TSGA10: variants seen among roughly 807,000 people sequenced by gnomAD.
TSGA10 encodes testis specific 10.
TSGA10 carries 43 observed loss-of-function variants against 96.6 expected under a neutral mutation model. That is an observed-to-expected ratio of 0.44 (90% CI 0.35 to 0.57). The LOEUF (loss-of-function observed/expected upper bound fraction) is 0.57. Ranked by LOEUF, TSGA10 falls within the 20% of genes least tolerant of loss-of-function variation. TSGA10 has a pLI of 0.01. For missense variants in TSGA10, 703 were observed against 834.4 expected (o/e 0.84, Z 1.94); for synonymous variants, 229 against 269.9 (o/e 0.85, Z 1.48).
intron 11 of TSGA10, among the ~76,000 whole-genome samples, chr2:99,080,912 TAACTA>T (rs1238124925): frequency 4.6e-5 from 7 of 152,268 alleles, no homozygotes; most frequent in Admixed American, 4.6e-4. Flanking sequence ...TCGCTAGACA[TAACTA>T]AACATATGTA....
chr2:99,112,611 C>CA (rs1284326705), intron 4 of TSGA10, among the ~76,000 whole-genome samples: 3 of 151,658 alleles, frequency 2.0e-5, no homozygotes, highest in East Asian at 3.9e-4. Flanking sequence ...AAAATCTGGG[C>CA]AAAAAACATT....
chr2:99,017,689 C>T (rs376299614), intron 20 of TSGA10, among the ~76,000 whole-genome samples: 4 of 149,726 alleles, frequency 2.7e-5, no homozygotes, highest in African/African-American at 4.9e-5. Flanking sequence ...GGCGTGAACC[C>T]GGGAGGCGGA....
chr2:99,005,361 T>G (rs908274932), intron 20 of TSGA10, among the ~76,000 whole-genome samples: 1 of 152,216 alleles, frequency 6.6e-6, no homozygotes, highest in African/African-American at 2.4e-5. Context: ...TGGCCCTGTT[T>G]GCAGAAGACA....
At chr2:99,074,332 T>C (rs1427061379) in intron 12 of TSGA10, among the ~76,000 whole-genome samples, 1 of 138,818 alleles carries the variant, frequency 7.2e-6, no homozygotes, top group Non-Finnish European at 1.6e-5. Context: ...TTCTTTAGCG[T>C]TAGTTTTACA....
intron 15 of TSGA10, among the ~76,000 whole-genome samples, chr2:99,067,590 T>TG (rs2085407026): frequency 6.6e-6 from 1 of 152,140 alleles, no homozygotes; most frequent in African/African-American, 2.4e-5. Flanking sequence ...CAGTGGCTCA[T>TG]GCCTGTAATC....
At chr2:99,009,082 T>C (rs1368835065) in intron 20 of TSGA10, among the ~76,000 whole-genome samples, 1 of 152,038 alleles carries the variant, frequency 6.6e-6, no homozygotes, top group Admixed American at 6.6e-5. Context: ...GTGTTGACCT[T>C]CAAAAGCATG....
chr2:99,097,571 T>C lies in TSGA10; in HGVS notation c.611+6396A>G, dbSNP rs368057942. Among the ~76,000 whole-genome samples, 28 of 152,204 alleles carry C rather than the reference T, an allele frequency of 1.8e-4. No homozygotes were observed. The East Asian group carries it at 3.5e-3, about 19-fold the overall frequency. On this transcript the variant is annotated intron_variant, in intron 10 of 20. Transcript: ENST00000393483. ...AATCACTAAAAGAATAATAAATGAG[T>C]TTATGACTTCTAGAATGATTTCTAA...
intron 12 of TSGA10, 123 bp from the exon 13 acceptor site, chr2:99,073,196 T>C: frequency 3.2e-6 from 2 of 616,212 alleles, no homozygotes; most frequent in Non-Finnish European, 5.7e-6. Flanking sequence ...AAAACATGTA[T>C]GTCCTATTCT....
At chr2:99,124,588 T>C (rs1475072943) in intron 2 of TSGA10, among the ~76,000 whole-genome samples, 1 of 152,052 alleles carries the variant, frequency 6.6e-6, no homozygotes, top group African/African-American at 2.4e-5. Flanking sequence ...TTACATTATA[T>C]ATATATATTT....
intron 15 of TSGA10, among the ~76,000 whole-genome samples, 183 bp downstream of exon 15, chr2:99,068,705 G>T (rs1302012041): frequency 1.3e-5 from 2 of 152,014 alleles, no homozygotes; most frequent in African/African-American, 2.4e-5. Flanking sequence ...AACAAAAGGG[G>T]CATATTCTCC....
chr2:99,102,873 C>A, intron 10 of TSGA10: 1 of 726,700 alleles, frequency 1.4e-6, no homozygotes, highest in Admixed American at 2.3e-5. Flanking sequence ...CATCATAGTC[C>A]TTTTATATTT....
chr2:99,153,758 GT>G (rs1043635990), intron 1 of TSGA10, among the ~76,000 whole-genome samples: 5 of 152,138 alleles, frequency 3.3e-5, no homozygotes, highest in Non-Finnish European at 5.9e-5. Flanking sequence ...AGTGACCTTG[GT>G]AAAAGGTGTG....
chr2:99,009,016 T>C (rs1198037213), intron 20 of TSGA10, among the ~76,000 whole-genome samples: 1 of 152,144 alleles, frequency 6.6e-6, no homozygotes, highest in East Asian at 1.9e-4. Flanking sequence ...GCATGGCTGA[T>C]GGGATGGAAG....
chr2:99,119,398 G>C (rs1559076281), intron 2 of TSGA10, among the ~76,000 whole-genome samples: 1 of 152,082 alleles, frequency 6.6e-6, no homozygotes, highest in Non-Finnish European at 1.5e-5. Context: ...ATGACACTGA[G>C]AATGAAATTT....
intron 10 of TSGA10, among the ~76,000 whole-genome samples, chr2:99,090,498 C>T (rs1280976146): frequency 2.6e-5 from 4 of 151,852 alleles, no homozygotes; most frequent in African/African-American, 7.3e-5. Flanking sequence ...CAGAAAAGGG[C>T]AAAGTGTAAT....
chr2:99,150,508 C>A, intron 1 of TSGA10: 1 of 1,557,330 alleles, frequency 6.4e-7, no homozygotes, highest in South Asian at 1.2e-5. Flanking sequence ...AACACTTCCA[C>A]TACTTAAAAA....
intron 11 of TSGA10, among the ~76,000 whole-genome samples, chr2:99,080,160 C>T (rs2104585968): frequency 6.6e-6 from 1 of 152,246 alleles, no homozygotes; most frequent in South Asian, 2.1e-4. Flanking sequence ...CTTCACTTCC[C>T]ATTTATTCCT....
At chr2:99,109,305 T>C (rs2091619604) in intron 6 of TSGA10, 84 bp downstream of exon 6, 2 of 1,454,510 alleles carry the variant, frequency 1.4e-6, no homozygotes, top group East Asian at 2.3e-5. Context: ...CAAAACAAAT[T>C]ATTTTCAAAT....
At chr2:99,042,674 C>T (rs1050210578) in intron 16 of TSGA10, among the ~76,000 whole-genome samples, 16 of 151,998 alleles carry the variant, frequency 1.1e-4, no homozygotes, top group Admixed American at 2.6e-4. Context: ...TGCATATTTA[C>T]CTGAAAGAGG....
Sources: allele counts gnomAD v4.1 joint callset (sites outside exome capture counted in the v4.1 genomes callset), GRCh38; gene constraint gnomAD v4.1.1; transcripts MANE v1.5; gene names NCBI Gene and HGNC (gene_info 2026-07-23, HGNC 2026-07-21).